NLGN1: variants seen among roughly 807,000 people sequenced by gnomAD.
NLGN1 encodes the protein neuroligin-1.
NLGN1 carries 12 observed loss-of-function variants against 65.5 expected under a neutral mutation model. The ratio of observed to expected loss-of-function variants is 0.18; its 90% CI spans 0.12 to 0.30. The LOEUF (loss-of-function observed/expected upper bound fraction) is 0.30, where lower values mean the gene tolerates loss of function less well. NLGN1 is among the 10% of genes least tolerant of loss of function. NLGN1 has a pLI of 1.00. For synonymous variants in NLGN1, 350 were observed against 359.5 expected (o/e 0.97, Z 0.30); for missense variants, 750 against 1,007.1 (o/e 0.74, Z 3.46).
chr3:173,756,399 ATAAT>A (rs1478243242), intron 3 of NLGN1, among the ~76,000 whole-genome samples: 1 of 152,026 alleles, frequency 6.6e-6, no homozygotes, highest in African/African-American at 2.4e-5. Context: ...ATGAATCAAA[ATAAT>A]TAGTGTAAGA....
At chr3:173,840,055 C>T (rs560355773) in intron 4 of NLGN1, among the ~76,000 whole-genome samples, 2 of 152,186 alleles carry the variant, frequency 1.3e-5, no homozygotes, top group South Asian at 2.1e-4. Context: ...ATCGCAACAT[C>T]GACATATTCA....
chr3:173,808,480 A>G (rs1459866094), intron 4 of NLGN1, among the ~76,000 whole-genome samples: 2 of 152,180 alleles, frequency 1.3e-5, no homozygotes, highest in African/African-American at 4.8e-5. Flanking sequence ...TATTACTTAT[A>G]AAATAACTTA....
At chr3:173,493,872 C>T (rs777696044) in intron 2 of NLGN1, among the ~76,000 whole-genome samples, 1 of 151,512 alleles carries the variant, frequency 6.6e-6, no homozygotes, top group Admixed American at 6.6e-5. Context: ...AATTTTTACC[C>T]TTATTTTTGA....
At chr3:173,819,913 A>G (rs1041452188) in intron 4 of NLGN1, among the ~76,000 whole-genome samples, 1 of 152,176 alleles carries the variant, frequency 6.6e-6, no homozygotes, top group Non-Finnish European at 1.5e-5. Context: ...GGTGGTATGG[A>G]ATGTGGGTAA....
At chr3:174,232,871 T>A (rs1437641544) in intron 4 of NLGN1, among the ~76,000 whole-genome samples, 1 of 152,230 alleles carries the variant, frequency 6.6e-6, no homozygotes, top group African/African-American at 2.4e-5. Context: ...CAAGCCTGCA[T>A]TAATGGAGAT....
chr3:173,648,811 G>A (rs1209241351), intron 3 of NLGN1, among the ~76,000 whole-genome samples: 1 of 151,984 alleles, frequency 6.6e-6, no homozygotes, highest in Non-Finnish European at 1.5e-5. Context: ...CTGACCTCAG[G>A]TGATCCACCC....
chr3:173,793,989 C>T (rs1046140492), intron 3 of NLGN1, among the ~76,000 whole-genome samples: 4 of 152,030 alleles, frequency 2.6e-5, no homozygotes, highest in Admixed American at 6.6e-5. Flanking sequence ...TCATCACCCA[C>T]GACTCTCTTT....
intron 4 of NLGN1, among the ~76,000 whole-genome samples, chr3:173,905,932 G>T (rs1738296199): frequency 6.6e-6 from 1 of 152,100 alleles, no homozygotes; most frequent in Non-Finnish European, 1.5e-5. Flanking sequence ...AGGAGATTGA[G>T]GTCTACTGCA....
At chr3:173,509,413 G>A (rs998747429) in intron 2 of NLGN1, among the ~76,000 whole-genome samples, 8 of 151,772 alleles carry the variant, frequency 5.3e-5, no homozygotes, top group Non-Finnish European at 1.0e-4. Context: ...TTTAGTTCGT[G>A]ACCTGCCTGG....
chr3:174,053,559 G>A (rs1041833352), intron 4 of NLGN1, among the ~76,000 whole-genome samples: 28 of 152,006 alleles, frequency 1.8e-4, no homozygotes, highest in Non-Finnish European at 8.8e-5. Flanking sequence ...GTTTTGATGT[G>A]CTGGTATTTG....
At chr3:173,623,948 A>G (rs764133129) in intron 3 of NLGN1, among the ~76,000 whole-genome samples, 4 of 152,150 alleles carry the variant, frequency 2.6e-5, no homozygotes, top group Non-Finnish European at 4.4e-5. Context: ...AAGATAGGCA[A>G]TAAATAACTT....
chr3:173,451,648 GC>G (rs1451483469), intron 2 of NLGN1, among the ~76,000 whole-genome samples: 1 of 152,162 alleles, frequency 6.6e-6, no homozygotes, highest in African/African-American at 2.4e-5. Flanking sequence ...TCTGTGCCCT[GC>G]CCCCAGAGGT....
intron 4 of NLGN1, among the ~76,000 whole-genome samples, chr3:174,185,197 C>T (rs749574942): frequency 1.8e-4 from 27 of 152,130 alleles, no homozygotes; most frequent in South Asian, 2.1e-4. Context: ...CCCAACCTTC[C>T]GTCACACTCT....
At chr3:173,476,169 T>G (rs1726169435) in intron 2 of NLGN1, among the ~76,000 whole-genome samples, 1 of 152,200 alleles carries the variant, frequency 6.6e-6, no homozygotes, top group African/African-American at 2.4e-5. Flanking sequence ...CAAGTTTGGT[T>G]TCTTTAGATC....
intron 2 of NLGN1, among the ~76,000 whole-genome samples, chr3:173,466,675 C>G (rs1560294561): frequency 6.6e-6 from 1 of 152,138 alleles, no homozygotes; most frequent in Non-Finnish European, 1.5e-5. Context: ...GAAATGCAAG[C>G]TATCAAATTA....
At position 173,604,439 on chromosome 3, in the gene NLGN1, A is replaced by G; in HGVS notation, c.-160A>G. ...TGCTGCTCCAATACATGTGAAATCA[A>G]TGGGAGATATCTGCTGTCTGAAGAT... On this transcript the variant is annotated 5_prime_UTR_variant, in exon 3 of 7. The change abolishes an upstream ATG in the 5' untranslated region. Transcript: ENST00000457714. 1.4e-6 allele frequency: 1 copy of G among 722,894 alleles called. No homozygotes were observed. The highest frequency in any genetic ancestry group is 2.4e-6 in the Non-Finnish European group (1 of 422,714). The allele number at this position is 722,894 out of a possible 1,614,324, so 44.8% of individuals were successfully genotyped here. A position where few individuals can be genotyped will look rare whatever the true frequency, so the allele number is the denominator to read the frequency against.
chr3:173,704,004 A>G (rs140262012), intron 3 of NLGN1, among the ~76,000 whole-genome samples: 7 of 152,336 alleles, frequency 4.6e-5, no homozygotes, highest in Admixed American at 4.6e-4. Flanking sequence ...TCAGATCCTG[A>G]GAGCAATTAG....
intron 4 of NLGN1, among the ~76,000 whole-genome samples, chr3:173,964,018 G>C (rs1714233041): frequency 6.6e-6 from 1 of 152,192 alleles, no homozygotes; most frequent in African/African-American, 2.4e-5. Flanking sequence ...ATGGTAGGTA[G>C]GTAGGTGAGG....
intron 4 of NLGN1, among the ~76,000 whole-genome samples, chr3:173,994,328 C>G (rs1721800110): frequency 6.6e-6 from 1 of 151,990 alleles, no homozygotes; most frequent in Admixed American, 6.6e-5. Flanking sequence ...CAAACTCGCT[C>G]AGGCTATCTG....
Sources: gnomAD v4.1 joint callset for allele counts (sites outside exome capture counted in the v4.1 genomes callset) on GRCh38, gnomAD v4.1.1 for gene constraint, MANE v1.5 for transcripts, NCBI Gene and HGNC (gene_info 2026-07-23, HGNC 2026-07-21) for gene names.